Variants in PKD1L1 observed in about 807,000 individuals in gnomAD.
PKD1L1 encodes polycystin 1 like 1, transient receptor potential channel interacting.
PKD1L1 carries 236 observed loss-of-function variants against 323.4 expected under a neutral mutation model. That is an observed-to-expected ratio of 0.73 (90% confidence interval 0.66 to 0.81). The LOEUF is 0.81. Among genes scored for constraint, PKD1L1 ranks in the 40% least tolerant of loss-of-function variants. PKD1L1 has a pLI of 0.00. For missense variants in PKD1L1, 3,320 were observed against 3,508.0 expected (o/e 0.95, Z 1.35); for synonymous variants, 1,344 against 1,335.0 (o/e 1.01, Z -0.15).
At chr7:47,951,648 T>C (rs11973038), upstream of PKD1L1, among the ~76,000 whole-genome samples, 7,066 of 152,290 alleles carry the variant, frequency 0.046, 336 homozygotes, top group African/African-American at 0.12. Context: ...CCTCCTCAGA[T>C]GGAAACTTCA....
chr7:47,943,168 ATATATATATATATATATATATAT>A (rs1788031085), intron 2 of PKD1L1, among the ~76,000 whole-genome samples: 1 of 30,150 alleles, frequency 3.3e-5, no homozygotes. Flanking sequence ...AAAAAAATAT[ATATATATATATATATATATATAT>A]ATATATGTGT....
chr7:47,811,767 C>T (rs755984598), intron 50 of PKD1L1, 50 bp downstream of exon 50: 4 of 1,458,092 alleles, frequency 2.7e-6, no homozygotes, highest in Non-Finnish European at 3.8e-6. Context: ...CCAGGTGAAG[C>T]CCCATCTTCC....
At chr7:47,866,085 C>T (rs1786163389) in intron 25 of PKD1L1, among the ~76,000 whole-genome samples, 1 of 152,176 alleles carries the variant, frequency 6.6e-6, no homozygotes, top group African/African-American at 2.4e-5. Context: ...GTAATTTCTT[C>T]AGAAGTTGCA....
intron 56 of PKD1L1, 37 bp from the exon 57 acceptor site, chr7:47,775,203 C>G (rs762508081): frequency 1.9e-6 from 3 of 1,613,202 alleles, no homozygotes; most frequent in African/African-American, 2.7e-5. Flanking sequence ...TGAAACAACA[C>G]CCCTCTCTCA....
rs1784716646 is a variant in PKD1L1 at position 47,803,758 on chromosome 7, A to G, written c.7828-414T>C. ...TGCTTATTTCCTTTCCCCCAGATAC[A>G]TGTACAGAATAGGGCACCAACACTT... On this transcript the variant is annotated intron_variant, in intron 52 of 56. Transcript: ENST00000289672. Among the ~76,000 whole-genome samples, 6 of 152,334 alleles carry G rather than the reference A, an allele frequency of 3.9e-5. No homozygotes were observed. The South Asian group carries it at 1.2e-3, about 32-fold the overall frequency.
chr7:47,884,795 C>T (rs1051839694), intron 18 of PKD1L1, 138 bp from the exon 19 acceptor site: 4 of 737,832 alleles, frequency 5.4e-6, no homozygotes, highest in East Asian at 2.7e-5. Flanking sequence ...TTACAAAATA[C>T]CCTCAGTGGT....
rs115437771 is a variant in PKD1L1 at position 47,874,522 on chromosome 7, G to A, written c.3785-512C>T. ...TGCCAAGGATTGGGGACTTAATTTT[G>A]GAGGTTGACACTTCTCAAGATGTGG... is the stretch of plus-strand genomic sequence containing the variant. On this transcript the variant is annotated intron_variant, in intron 23 of 56. Coordinates refer to ENST00000289672, the MANE Select transcript of PKD1L1 (RefSeq NM_138295.5). Among the ~76,000 whole-genome samples the A allele has an allele frequency of 4.8e-3, 729 of 152,216 alleles. 6 individuals are homozygous for A. The highest frequency in any genetic ancestry group is 0.017 in the African/African-American group (703 of 41,528).
chr7:47,818,228 C>G, intron 46 of PKD1L1: 1 of 1,329,206 alleles, frequency 7.5e-7, no homozygotes, highest in South Asian at 1.2e-5. Flanking sequence ...ATATTCACGC[C>G]AAAGGAAAGG....
intron 55 of PKD1L1, 122 bp downstream of exon 55, chr7:47,795,867 T>C: frequency 8.2e-7 from 1 of 1,222,182 alleles, no homozygotes; most frequent in Non-Finnish European, 1.2e-6. Flanking sequence ...TTTGTGGCTT[T>C]GCAAGGAGAT....
intron 53 of PKD1L1, among the ~76,000 whole-genome samples, chr7:47,802,894 A>C (rs989392578): frequency 7.9e-5 from 12 of 152,260 alleles, no homozygotes; most frequent in African/African-American, 2.7e-4. Context: ...TGAGAGGCCC[A>C]AAGTGCCATT....
intron 40 of PKD1L1, among the ~76,000 whole-genome samples, chr7:47,834,096 T>G (rs897568003): frequency 3.3e-5 from 5 of 152,168 alleles, no homozygotes; most frequent in African/African-American, 9.7e-5. Context: ...TGAGACCCCT[T>G]CTTTCTGACC....
intron 23 of PKD1L1, 112 bp from the exon 24 acceptor site, chr7:47,874,122 A>G (rs899205333): frequency 2.9e-6 from 2 of 686,370 alleles, no homozygotes; most frequent in Non-Finnish European, 4.9e-6. Flanking sequence ...AAGTGCTGAC[A>G]AAGGGGCCAG....
chr7:47,854,989 A>G lies in PKD1L1; in HGVS notation c.4752T>C (p.Asn1584=). 6.2e-7 allele frequency: 1 copy of G among 1,613,996 alleles called. No homozygotes were observed. Among genetic ancestry groups the G allele is most frequent in the Non-Finnish European group, 8.5e-7 (1 of 1,179,950 alleles). The part of the protein sequence containing the change: ...TTFVLLRDKV[N]LHQFTELSEN... ...CGGAAAGCTCAGTGAACTGATGGAG[A>G]TTCACTTTATCCCGAAGTAATACAA... The change falls in exon 30 of 57, where the codon AAT becomes AAC. Residue 1584 remains asparagine, a synonymous_variant. Transcript: ENST00000289672.
chr7:47,823,147 T>G (rs1167083756), intron 45 of PKD1L1, among the ~76,000 whole-genome samples: 2 of 152,218 alleles, frequency 1.3e-5, no homozygotes, highest in Non-Finnish European at 2.9e-5. Flanking sequence ...GTTTGATATC[T>G]TAAAAAACAT....
At position 47,858,745 on chromosome 7, in the gene PKD1L1, A is replaced by G; in HGVS notation, c.4290T>C (p.Ser1430=). Residue 1430 remains serine (S), a synonymous_variant, in exon 27 of 57, where the codon TCT becomes TCC. Coordinates refer to ENST00000289672, the MANE Select transcript of PKD1L1 (RefSeq NM_138295.5). ...CTTCCTCCTTCGAGTTTTCTTGCTCAGAGACTTCCCAGACTCTGGATATGA... is the reference window on the plus strand; with the variant it reads ...CTTCCTCCTTCGAGTTTTCTTGCTCGGAGACTTCCCAGACTCTGGATATGA... ...IGLISRVWEV[S]EQENSKEEVY... 1 of 1,614,186 alleles carries G rather than the reference A, an allele frequency of 6.2e-7. No homozygotes were observed. Among genetic ancestry groups the G allele is most frequent in the South Asian group, 1.1e-5 (1 of 91,080 alleles).
intron 50 of PKD1L1, among the ~76,000 whole-genome samples, chr7:47,811,154 CTTTT>C (rs11412484): frequency 8.2e-6 from 1 of 121,238 alleles, no homozygotes. Flanking sequence ...ATGTCTCCTT[CTTTT>C]TTTTTTTTTT....
At chr7:47,857,110 C>G (rs2128742191) in intron 28 of PKD1L1, among the ~76,000 whole-genome samples, 1 of 152,324 alleles carries the variant, frequency 6.6e-6, no homozygotes, top group African/African-American at 2.4e-5. Context: ...AGGGGCCACC[C>G]TGCAGGTTCA....
At chr7:47,888,247 T>C (rs1318727250) in intron 16 of PKD1L1, 97 bp from the exon 17 acceptor site, 3 of 1,293,394 alleles carry the variant, frequency 2.3e-6, no homozygotes. Context: ...CACCCTACTT[T>C]GGATCTTTAT....
At chr7:47,933,224 C>T (rs962416762) in intron 4 of PKD1L1, among the ~76,000 whole-genome samples, 1 of 150,568 alleles carries the variant, frequency 6.6e-6, no homozygotes, top group East Asian at 2.0e-4. Context: ...AACTGACTGA[C>T]GCCAAGTAGC....
Sources: gnomAD v4.1 joint callset for allele counts (sites outside exome capture counted in the v4.1 genomes callset) on GRCh38, gnomAD v4.1.1 for gene constraint, MANE v1.5 for transcripts, NCBI Gene and HGNC (gene_info 2026-07-23, HGNC 2026-07-21) for gene names.